Variants in PSMA1 observed in about 807,000 individuals in gnomAD.
PSMA1 encodes the protein proteasome 20S subunit alpha 1, also known as proteasome subunit alpha type-1.
Under a neutral mutation model 38.4 loss-of-function variants are expected in PSMA1, and 3 were observed. The observed-to-expected ratio is 0.08, with a 90% CI of 0.04 to 0.20. PSMA1 has a LOEUF of 0.20. Ranked by LOEUF, PSMA1 falls within the 10% of genes least tolerant of loss-of-function variation. The probability of loss-of-function intolerance (pLI) is 1.00; values close to 1 mark genes in which losing one functional copy is unlikely to be tolerated. For missense variants in PSMA1, 227 were observed against 325.3 expected, an observed-to-expected ratio of 0.70 and a Z score of 2.32; for synonymous variants, 101 against 107.1, an observed-to-expected ratio of 0.94 and a Z score of 0.35.
At chr11:14,618,256 C>T (rs1203169498) in intron 1 of PSMA1, among the ~76,000 whole-genome samples, 6 of 152,090 alleles carry the variant, frequency 3.9e-5, no homozygotes. Context: ...TAACTATTTC[C>T]TTAGTTACTG....
intron 8 of PSMA1, among the ~76,000 whole-genome samples, chr11:14,509,537 C>A (rs1285496587): frequency 1.3e-5 from 2 of 150,790 alleles, no homozygotes; most frequent in African/African-American, 2.4e-5. Flanking sequence ...GTCACCCAGG[C>A]TGGAGTGCAT....
chr11:14,595,263 A>T (rs1852472643), intron 2 of PSMA1, among the ~76,000 whole-genome samples: 1 of 152,224 alleles, frequency 6.6e-6, no homozygotes, highest in Non-Finnish European at 1.5e-5. Context: ...TCCTTGAGGT[A>T]TATACCCAGT....
At chr11:14,549,827 C>G (rs908224543) in intron 2 of PSMA1, among the ~76,000 whole-genome samples, 1 of 152,136 alleles carries the variant, frequency 6.6e-6, no homozygotes, top group Admixed American at 6.5e-5. Context: ...AAGGCCAGCA[C>G]TCTGTCTGGG....
chr11:14,602,010 G>T (rs779601717), intron 2 of PSMA1, among the ~76,000 whole-genome samples: 5 of 152,102 alleles, frequency 3.3e-5, no homozygotes, highest in Non-Finnish European at 5.9e-5. Context: ...TTTACATAGA[G>T]CCCTCATTGG....
chr11:14,545,889 G>A (rs1038368466), intron 2 of PSMA1, among the ~76,000 whole-genome samples: 3 of 152,210 alleles, frequency 2.0e-5, no homozygotes, highest in African/African-American at 7.2e-5. Flanking sequence ...AGGAAGAGGT[G>A]AAAGATAGGG....
At chr11:14,641,804 A>AT (rs1426185452) in intron 1 of PSMA1, among the ~76,000 whole-genome samples, 1 of 152,196 alleles carries the variant, frequency 6.6e-6, no homozygotes, top group African/African-American at 2.4e-5. Flanking sequence ...TCTTGCTCTT[A>AT]TTATATTATT....
At chr11:14,560,037 T>A (rs1851991020) in intron 2 of PSMA1, among the ~76,000 whole-genome samples, 1 of 152,190 alleles carries the variant, frequency 6.6e-6, no homozygotes, top group South Asian at 2.1e-4. Flanking sequence ...ATGGACTAGT[T>A]ATTAGATATG....
intron 7 of PSMA1, among the ~76,000 whole-genome samples, chr11:14,511,294 A>G (rs1452028377): frequency 1.3e-5 from 2 of 152,200 alleles, no homozygotes; most frequent in Non-Finnish European, 2.9e-5. Flanking sequence ...TGTAAAAAGG[A>G]ATCTCCAACT....
In PSMA1 at chr11:14,611,189, A is replaced by G. The variant is rs1416355034; in HGVS notation, c.-165-38T>C. ...GGAGAAGGTAAAAGGAACATGAGTT[A>G]TATTAGATCTTCATCAGACATCCTG... On this transcript the variant is annotated intron_variant, in intron 1 of 10. Coordinates refer to the PSMA1 transcript ENST00000418988. 9.5e-6 allele frequency: 5 copies of G among 526,996 alleles called. No individual in the cohort carries two copies. The Admixed American group carries it at 1.1e-4, about 11-fold the overall frequency. 32.6% of individuals were successfully genotyped at this position (526,996 alleles called of 1,614,324 possible).
At chr11:14,635,058 G>A (rs868485243) in intron 1 of PSMA1, among the ~76,000 whole-genome samples, 1 of 152,132 alleles carries the variant, frequency 6.6e-6, no homozygotes, top group African/African-American at 2.4e-5. Flanking sequence ...TTTCCTGGTT[G>A]GCTGGTATTT....
chr11:14,573,626 C>A (rs1789513969), intron 2 of PSMA1, among the ~76,000 whole-genome samples: 1 of 152,172 alleles, frequency 6.6e-6, no homozygotes, highest in Admixed American at 6.5e-5. Flanking sequence ...CCTCTCTCAC[C>A]ACTCCTATTC....
At chr11:14,588,404 T>A (rs372407069) in intron 2 of PSMA1, among the ~76,000 whole-genome samples, 8 of 152,190 alleles carry the variant, frequency 5.3e-5, no homozygotes, top group Admixed American at 3.9e-4. Flanking sequence ...AAATCCTTGA[T>A]AGCTGCTGGG....
chr11:14,584,848 C>T (rs114335880), intron 2 of PSMA1, among the ~76,000 whole-genome samples: 1,750 of 152,272 alleles, frequency 0.011, 31 homozygotes, highest in African/African-American at 0.04. Context: ...CTCCAGCTGG[C>T]AATTGTAGTA....
chr11:14,512,323 G>A (rs1377877989), intron 7 of PSMA1, among the ~76,000 whole-genome samples: 10 of 151,786 alleles, frequency 6.6e-5, no homozygotes, highest in Non-Finnish European at 1.3e-4. Context: ...GCAATAAGCC[G>A]AGATCGCGCC....
intron 2 of PSMA1, among the ~76,000 whole-genome samples, chr11:14,555,442 CAGGCATCATATCT>C (rs1851932776): frequency 6.6e-6 from 1 of 152,014 alleles, no homozygotes; most frequent in Non-Finnish European, 1.5e-5. Flanking sequence ...AAGAATTCTT[CAGGCATCATATCT>C]AGAGGAATAA....
chr11:14,563,448 A>G (rs933618742), intron 2 of PSMA1, among the ~76,000 whole-genome samples: 2 of 152,192 alleles, frequency 1.3e-5, no homozygotes, highest in South Asian at 4.1e-4. Context: ...CTAATGGCAC[A>G]GGCAGTGCAG....
intron 1 of PSMA1, 142 bp from the exon 2 acceptor site, chr11:14,519,183 T>C (rs1212023121): frequency 2.7e-6 from 2 of 736,606 alleles, no homozygotes; most frequent in East Asian, 2.8e-5. Context: ...ATTACTACTG[T>C]ACTCAGATGT....
In PSMA1 at chr11:14,545,321, A is replaced by ATTTAAT. The variant is rs111897908; in HGVS notation, c.22-26281_22-26280insATTAAA. ...TATTTTATTTTTAAAATTTAATTTA[A>ATTTAAT]TTTAAGTACCAGGATACACGTGCAG... On this transcript the variant is annotated intron_variant, in intron 2 of 10. Coordinates refer to the PSMA1 transcript ENST00000418988. Among the ~76,000 whole-genome samples, 1,066 of 152,344 alleles carry ATTTAAT rather than the reference A, an allele frequency of 7.0e-3. 22 individuals carry two copies. Among genetic ancestry groups the ATTTAAT allele is most frequent in the African/African-American group, 0.024 (1,013 of 41,582 alleles).
chr11:14,513,018 T>C (rs1361711203), intron 7 of PSMA1, among the ~76,000 whole-genome samples: 1 of 152,232 alleles, frequency 6.6e-6, no homozygotes, highest in African/African-American at 2.4e-5. Flanking sequence ...GAATGCTTTG[T>C]CACCAGAAAA....
Sources: allele counts gnomAD v4.1 joint callset (sites outside exome capture counted in the v4.1 genomes callset), GRCh38; gene constraint gnomAD v4.1.1; transcripts MANE v1.5; gene names NCBI Gene and HGNC (gene_info 2026-07-23, HGNC 2026-07-21).